HCCS: variants seen among roughly 807,000 people sequenced by gnomAD.
The protein encoded by HCCS is holocytochrome c synthase.
A neutral mutation model predicts 24.2 loss-of-function variants in HCCS; 2 were observed. That is an observed-to-expected ratio of 0.08 (90% CI 0.03 to 0.26). The LOEUF is 0.26. Among genes scored for constraint, HCCS ranks in the 10% least tolerant of loss-of-function variants. The pLI is 1.00. For missense variants in HCCS, 150 were observed against 213.3 expected (o/e 0.70, Z 1.85); for synonymous variants, 73 against 76.2 (o/e 0.96, Z 0.22).
chrX:11,111,355 AGGCGGCGGC>A lies in HCCS; in HGVS notation c.-189_-181del, dbSNP rs3086668. The A allele has an allele frequency of 2.3e-4, 37 of 162,600 alleles. No individual in the cohort carries two copies. Among genetic ancestry groups the A allele is most frequent in the Middle Eastern group, 2.3e-3 (1 of 430 alleles). The allele number at this position is 162,600 out of a possible 1,213,427, so 13.4% of individuals were successfully genotyped here. ...CCACAGCGGTGACCGAGTGAGAGGA[AGGCGGCGGC>A]GGCGGCGGCGGCGGCGTGAAGTCAC... On this transcript the variant is annotated 5_prime_UTR_variant, in exon 1 of 7. Transcript: ENST00000380762.
Position 11,114,868 on chromosome X carries a change from C to G in HCCS, c.134C>G (p.Thr45Ser). The change falls in exon 3 of 7, where the codon ACC (threonine) becomes AGC (serine). Residue 45 changes from threonine (T) to serine (S), a missense_variant. Physicochemically the swap from Thr to Ser is moderately conservative, Grantham distance 58. This residue lies in a region of HCCS where 95 missense variants were observed against 79.1 expected (regional missense o/e 1.20). Transcript: ENST00000380762. ...GTGAATACAGAGCCATCTGGCCCAA[C>G]CTGTGAGAAGAAAACATACTCTGTG... The part of the protein sequence containing the change: ...CPVNTEPSGP[T>S]CEKKTYSVPA... 8.3e-7 allele frequency: 1 copy of G among 1,209,005 alleles called. No homozygotes were observed. The highest frequency in any genetic ancestry group is 1.1e-6 in the Non-Finnish European group (1 of 893,005).
intron 2 of HCCS, among the ~76,000 whole-genome samples, 167 bp from the exon 3 acceptor site, chrX:11,114,667 AT>A (rs1028275791): frequency 1.8e-5 from 2 of 112,369 alleles, no homozygotes; most frequent in African/African-American, 6.5e-5. Flanking sequence ...CATCTTTAGG[AT>A]TTTGGAATGT....
chrX:11,115,581 T>C (rs1288732977), intron 3 of HCCS, among the ~76,000 whole-genome samples: 1 of 111,766 alleles, frequency 8.9e-6, no homozygotes. Flanking sequence ...TTATCAAGAA[T>C]AGAAATTTTA....
In HCCS at chrX:11,122,022, A is replaced by G. The variant is rs2045496080; in HGVS notation, c.*212A>G. The G allele has an allele frequency of 2.5e-6, 1 of 405,157 alleles. No individual in the cohort carries two copies. The highest frequency in any genetic ancestry group is 4.3e-6 in the Non-Finnish European group (1 of 233,924). The allele number at this position is 405,157 out of a possible 1,213,427, so 33.4% of individuals were successfully genotyped here. A position where few individuals can be genotyped will look rare whatever the true frequency, so the allele number is the denominator to read the frequency against. Reference sequence around the variant, plus strand: ...TAGCAGATCATTTTGTTTTCTTCCTACTTAGCTTAAGTGGGAAGCAGTCTC... The same window carrying G: ...TAGCAGATCATTTTGTTTTCTTCCTGCTTAGCTTAAGTGGGAAGCAGTCTC... On this transcript the variant is annotated 3_prime_UTR_variant, in exon 7 of 7. Transcript: ENST00000380762.
At chrX:11,112,782 GC>G (rs1426735542) in intron 2 of HCCS, among the ~76,000 whole-genome samples, 1 of 112,882 alleles carries the variant, frequency 8.9e-6, no homozygotes, top group Non-Finnish European at 1.9e-5. Flanking sequence ...CTGGAGGGGG[GC>G]AATCCCCCCT....
In HCCS at chrX:11,117,297, G is replaced by C. The variant is rs2045455579; in HGVS notation, c.283G>C (p.Asp95His). 8.3e-7 allele frequency: 1 copy of C among 1,209,810 alleles called. No individual in the cohort carries two copies. Residue 95 changes from aspartate to histidine, a missense_variant, in exon 4 of 7, where the codon GAT becomes CAT. Around this residue, in one of 2 missense-constraint regions of HCCS, gnomAD observed 95 missense variants for 79.1 expected, o/e 1.20. Coordinates refer to ENST00000380762, the MANE Select transcript of HCCS (RefSeq NM_005333.5). ...MPPPNQTPAP[D>H]QPFALSTVRE... is the part of the protein sequence containing the mutation. ...ACCACCAAATCAAACACCAGCTCCA[G>C]ATCAGCCATTTGCATTGTCTACTGT...
chrX:11,116,773 G>C (rs751817053), intron 3 of HCCS, among the ~76,000 whole-genome samples: 34 of 112,529 alleles, frequency 3.0e-4, no homozygotes, highest in African/African-American at 1.1e-3. Context: ...ACCTCGCAGC[G>C]TTGAGATGCA....
At chrX:11,120,216 T>G (rs192763361) in intron 5 of HCCS, among the ~76,000 whole-genome samples, 141 of 111,692 alleles carry the variant, frequency 1.3e-3, no homozygotes, top group African/African-American at 4.0e-3. Flanking sequence ...CGGTAACAGC[T>G]GTCTGTCTAG....
intron 5 of HCCS, among the ~76,000 whole-genome samples, chrX:11,120,222 T>G (rs2045481186): frequency 9.0e-6 from 1 of 111,615 alleles, no homozygotes; most frequent in South Asian, 3.8e-4. Context: ...CAGCTGTCTG[T>G]CTAGCCTGTA....
intron 2 of HCCS, among the ~76,000 whole-genome samples, 172 bp downstream of exon 2, chrX:11,112,332 A>G (rs761763695): frequency 3.6e-5 from 4 of 111,941 alleles, no homozygotes; most frequent in Non-Finnish European, 7.5e-5. Flanking sequence ...AAAAAAATAC[A>G]AACATTAGCC....
chrX:11,115,087 C>G (rs1003112885), intron 3 of HCCS, 101 bp downstream of exon 3: 2 of 692,819 alleles, frequency 2.9e-6, no homozygotes, highest in Admixed American at 4.5e-5. Context: ...TTCTTCTGTC[C>G]TTTGAAAACA....
chrX:11,118,453 G>A, intron 4 of HCCS, 48 bp from the exon 5 acceptor site: 2 of 1,116,800 alleles, frequency 1.8e-6, no homozygotes, highest in Non-Finnish European at 2.5e-6. Context: ...TTAACTTTAT[G>A]GCATTATCAG....
chrX:11,123,072 C>G lies in HCCS; in HGVS notation c.*1262C>G, dbSNP rs1042085103. 1 of 111,376 alleles carries G rather than the reference C, an allele frequency of 9.0e-6. No homozygotes were observed. Among genetic ancestry groups the G allele is most frequent in the Admixed American group, 9.5e-5 (1 of 10,475 alleles). The allele number at this position is 111,376 out of a possible 1,213,427, so 9.2% of individuals were successfully genotyped here. A position where few individuals can be genotyped will look rare whatever the true frequency, so the allele number is the denominator to read the frequency against. ...TATTTTAAAATAAAGCTGATTAGTT[C>G]ACAGGTTTTGAAAATTTTTTGGAAT... is the stretch of plus-strand genomic sequence containing the variant. On this transcript the variant is annotated 3_prime_UTR_variant, in exon 7 of 7. Transcript: ENST00000380762.
chrX:11,112,798 A>G (rs1209635122), intron 2 of HCCS, among the ~76,000 whole-genome samples: 4 of 112,839 alleles, frequency 3.5e-5, no homozygotes, highest in Non-Finnish European at 5.6e-5. Context: ...CCCCCTTCCC[A>G]CAGGGGACAT....
At chrX:11,118,956 C>T (rs1050813961) in intron 5 of HCCS, among the ~76,000 whole-genome samples, 13 of 111,586 alleles carry the variant, frequency 1.2e-4, no homozygotes, top group Non-Finnish European at 2.3e-4. Flanking sequence ...CTGGTTTACT[C>T]CTCTGGCGAG....
chrX:11,118,157 AAGTT>A (rs1274132317), intron 4 of HCCS, among the ~76,000 whole-genome samples: 20 of 112,245 alleles, frequency 1.8e-4, no homozygotes, highest in African/African-American at 6.5e-4. Context: ...TGTTTAGAAA[AAGTT>A]AGGGGATCAT....
Position 11,112,078 on chromosome X carries a change from T to C in HCCS, c.18T>C (p.Ser6=). The change falls in exon 2 of 7, where the codon TCT becomes TCC. Residue 6 remains serine (S), a synonymous_variant. Coordinates refer to ENST00000380762, the MANE Select transcript of HCCS (RefSeq NM_005333.5). MGLSP[S]APAVAVQASN... is the part of the protein sequence containing the mutation. ...TTCCAGCCATGGGTTTGTCTCCATC[T>C]GCTCCTGCTGTTGCAGTTCAGGCCT... The C allele has an allele frequency of 8.3e-7, 1 of 1,208,865 alleles. No individual in the cohort carries two copies. Among genetic ancestry groups the C allele is most frequent in the Non-Finnish European group, 1.1e-6 (1 of 892,321 alleles).
intron 2 of HCCS, among the ~76,000 whole-genome samples, chrX:11,114,217 G>A (rs900266723): frequency 8.8e-6 from 1 of 113,021 alleles, no homozygotes; most frequent in Non-Finnish European, 1.9e-5. Context: ...GCCATTGACT[G>A]ATGGGAATAG....
chrX:11,111,382 G>T lies in HCCS; in HGVS notation c.-179G>T. On this transcript the variant is annotated 5_prime_UTR_variant, in exon 1 of 7. Coordinates refer to ENST00000380762, the MANE Select transcript of HCCS (RefSeq NM_005333.5). ...GCGGCGGCGGCGGCGGCGGCGGCGT[G>T]AAGTCACTGCTGCTCTGGGTTCGGG... The T allele has an allele frequency of 6.5e-6, 1 of 154,274 alleles. No individual in the cohort carries two copies. 12.7% of individuals were successfully genotyped at this position (154,274 alleles called of 1,213,427 possible). A position where few individuals can be genotyped will look rare whatever the true frequency, so the allele number is the denominator to read the frequency against.
Sources: allele counts gnomAD v4.1 joint callset (sites outside exome capture counted in the v4.1 genomes callset), GRCh38; gene constraint gnomAD v4.1.1; regional missense constraint gnomAD v4.1.1; transcripts MANE v1.5; gene names NCBI Gene and HGNC (gene_info 2026-07-23, HGNC 2026-07-21).